Variants in WNT8B observed in about 807,000 individuals in gnomAD.
WNT8B encodes the protein protein Wnt-8b.
WNT8B carries 24 observed loss-of-function variants against 36.6 expected under a neutral mutation model. That is an observed-to-expected ratio of 0.66 (90% CI 0.48 to 0.92). WNT8B has a LOEUF of 0.92. Ranked by LOEUF, WNT8B falls within the 40% of genes least tolerant of loss-of-function variation. WNT8B has a pLI of 0.00. For missense variants in WNT8B, 402 were observed against 470.8 expected (o/e 0.85, Z 1.35); for synonymous variants, 199 against 189.8 (o/e 1.05, Z -0.40).
chr10:100,478,258 C>T (rs1851065091), intron 1 of WNT8B, among the ~76,000 whole-genome samples: 1 of 152,124 alleles, frequency 6.6e-6, no homozygotes, highest in African/African-American at 2.4e-5. Flanking sequence ...GGATTCAAAT[C>T]CTGCTTCACT....
chr10:100,480,653 T>G (rs1290340055), intron 3 of WNT8B, among the ~76,000 whole-genome samples: 2 of 151,510 alleles, frequency 1.3e-5, no homozygotes, highest in African/African-American at 4.9e-5. Context: ...AGACAGGAGG[T>G]GAGAAGAGCA....
At chr10:100,476,120 T>C (rs1283194746) in intron 1 of WNT8B, among the ~76,000 whole-genome samples, 1 of 149,034 alleles carries the variant, frequency 6.7e-6, no homozygotes. Context: ...TGAAACCCCA[T>C]CTCTACTAAA....
chr10:100,465,759 G>T (rs916159306), intron 1 of WNT8B, among the ~76,000 whole-genome samples: 5 of 152,128 alleles, frequency 3.3e-5, no homozygotes, highest in Non-Finnish European at 5.9e-5. Flanking sequence ...TTTTATGGCA[G>T]CTTTTGAAAA....
chr10:100,483,152 G>A lies in WNT8B; in HGVS notation c.*336G>A. ...CCTAGCCTATCAAGCCTTAGGCGCT[G>A]GAAGAACCCTTCTCAGACACGCAGG... On this transcript the variant is annotated 3_prime_UTR_variant, in exon 6 of 6. Coordinates refer to ENST00000343737, the MANE Select transcript of WNT8B (RefSeq NM_003393.4). The A allele has an allele frequency of 3.8e-6, 1 of 263,668 alleles. No homozygotes were observed. The highest frequency in any genetic ancestry group is 7.1e-6 in the Non-Finnish European group (1 of 140,794). The allele number at this position is 263,668 out of a possible 1,614,324, so 16.3% of individuals were successfully genotyped here.
At chr10:100,477,418 G>C (rs1442856497) in intron 1 of WNT8B, among the ~76,000 whole-genome samples, 1 of 151,676 alleles carries the variant, frequency 6.6e-6, no homozygotes, top group Non-Finnish European at 1.5e-5. Context: ...TCCTGCCTTA[G>C]CCTCCTGAGT....
At chr10:100,476,410 T>C (rs1263505405) in intron 1 of WNT8B, among the ~76,000 whole-genome samples, 2 of 152,212 alleles carry the variant, frequency 1.3e-5, no homozygotes, top group African/African-American at 4.8e-5. Context: ...GGCAGCCTCT[T>C]AGTTTGTTAA....
intron 4 of WNT8B, 102 bp from the exon 5 acceptor site, chr10:100,481,810 C>T: frequency 1.3e-6 from 2 of 1,498,562 alleles, no homozygotes; most frequent in East Asian, 2.4e-5. Context: ...TTAATCCTCT[C>T]CTATCCTGGA....
intron 1 of WNT8B, among the ~76,000 whole-genome samples, chr10:100,464,621 T>G (rs1387612825): frequency 6.6e-6 from 1 of 152,184 alleles, no homozygotes; most frequent in African/African-American, 2.4e-5. Flanking sequence ...ACAGCCACAC[T>G]GAAAGGTGGC....
At chr10:100,473,251 A>T (rs1850998675) in intron 1 of WNT8B, among the ~76,000 whole-genome samples, 1 of 152,230 alleles carries the variant, frequency 6.6e-6, no homozygotes, top group Admixed American at 6.5e-5. Context: ...TTCAAGAATA[A>T]GTGAGATTTT....
At chr10:100,466,264 T>TA (rs779850221) in intron 1 of WNT8B, among the ~76,000 whole-genome samples, 55 of 151,386 alleles carry the variant, frequency 3.6e-4, no homozygotes, top group Non-Finnish European at 4.4e-4. Context: ...CCTTGGTTCA[T>TA]AAAAAAAAGT....
At position 100,482,214 on chromosome 10, in the gene WNT8B, C is replaced by A; in HGVS notation, c.511-57C>A. On this transcript the variant is annotated intron_variant, in intron 5 of 5. Transcript: ENST00000343737. The surrounding 1 kb of genome is among the most constrained non-coding windows in gnomAD (Gnocchi z 6.6). ...AGACTTCTCGCAACTCCCACAGGGG[C>A]AGTTAAACTCGCCACGCGCTTAATC... 6.5e-7 allele frequency: 1 copy of A among 1,537,122 alleles called. No homozygotes were observed. The highest frequency in any genetic ancestry group is 8.7e-7 in the Non-Finnish European group (1 of 1,145,106).
At chr10:100,481,183 GCCT>G in intron 4 of WNT8B, 60 bp downstream of exon 4, 2 of 1,593,258 alleles carry the variant, frequency 1.3e-6, no homozygotes, top group Non-Finnish European at 1.7e-6. Context: ...AGAATGAAAA[GCCT>G]GGTGGGGGTG....
At chr10:100,467,888 T>G (rs907619970) in intron 1 of WNT8B, among the ~76,000 whole-genome samples, 5 of 152,238 alleles carry the variant, frequency 3.3e-5, no homozygotes, top group African/African-American at 1.2e-4. Flanking sequence ...CATTTTTAAC[T>G]GCATATTCTC....
intron 1 of WNT8B, among the ~76,000 whole-genome samples, chr10:100,474,561 A>G (rs1851014789): frequency 6.6e-6 from 1 of 152,028 alleles, no homozygotes; most frequent in South Asian, 2.1e-4. Flanking sequence ...TACTCACTAC[A>G]GGACAGTCTT....
rs1851136191 is a variant in WNT8B at position 100,482,751 on chromosome 10, T to A, written c.991T>A (p.Tyr331Asn). ...CEQCRRRVTKYFCSRAERPRG... is the reference protein window; with the variant it reads ...CEQCRRRVTKNFCSRAERPRG... ...GCAGTGCCGCCGGAGGGTCACCAAGTACTTCTGTAGCCGCGCAGAGCGGCC... is the reference window on the plus strand; with the variant it reads ...GCAGTGCCGCCGGAGGGTCACCAAGAACTTCTGTAGCCGCGCAGAGCGGCC... Residue 331 changes from tyrosine to asparagine, a missense_variant, in exon 6 of 6, where the codon TAC (tyrosine) becomes AAC (asparagine). This residue lies in a region of WNT8B where 256 missense variants were observed against 278.6 expected (regional missense o/e 0.92). Transcript: ENST00000343737. The surrounding 1 kb of genome is among the most constrained non-coding windows in gnomAD (Gnocchi z 6.6). 1 of 1,601,932 alleles carries A rather than the reference T, an allele frequency of 6.2e-7. No individual in the cohort carries two copies. The highest frequency in any genetic ancestry group is 8.5e-7 in the Non-Finnish European group (1 of 1,174,230).
intron 1 of WNT8B, among the ~76,000 whole-genome samples, chr10:100,468,748 G>C (rs192485810): frequency 5.4e-4 from 83 of 152,302 alleles, no homozygotes; most frequent in African/African-American, 1.9e-3. Context: ...ATGATCCCCC[G>C]AACATTTGTG....
intron 1 of WNT8B, among the ~76,000 whole-genome samples, chr10:100,468,759 C>A (rs568358563): frequency 6.6e-5 from 10 of 152,344 alleles, no homozygotes; most frequent in Middle Eastern, 3.4e-3. Context: ...AACATTTGTG[C>A]TTTGCTTGTG....
chr10:100,471,891 C>T (rs1185675702), intron 1 of WNT8B, among the ~76,000 whole-genome samples: 1 of 152,002 alleles, frequency 6.6e-6, no homozygotes, highest in Non-Finnish European at 1.5e-5. Context: ...CCTGTCTCTA[C>T]AAAAAATACA....
Position 100,464,906 on chromosome 10 carries a change from G to A in WNT8B, c.68+1670G>A, listed in dbSNP as rs562591484. Among the ~76,000 whole-genome samples the A allele has an allele frequency of 2.0e-5, 3 of 152,234 alleles. No individual in the cohort carries two copies. The East Asian group carries it at 5.8e-4, about 29-fold the overall frequency. On this transcript the variant is annotated intron_variant, in intron 1 of 5. Transcript: ENST00000343737. ...GTGATTTTTAAATTTAACATTAAAC[G>A]TTGATTATGCTTCTAATGAAACTAT...
Sources: gnomAD v4.1 joint callset for allele counts (sites outside exome capture counted in the v4.1 genomes callset) on GRCh38, gnomAD v4.1.1 for gene constraint, gnomAD v4.1.1 regional missense constraint, Gnocchi (gnomAD v3.1) non-coding constraint, MANE v1.5 for transcripts, NCBI Gene and HGNC (gene_info 2026-07-23, HGNC 2026-07-21) for gene names.